Variants in SPICE1 observed in about 807,000 individuals in gnomAD.
SPICE1 encodes the protein spindle and centriole-associated protein 1.
Under a neutral mutation model 102.7 loss-of-function variants are expected in SPICE1, and 75 were observed. The ratio of observed to expected loss-of-function variants is 0.73; its 90% CI spans 0.61 to 0.88. The LOEUF (loss-of-function observed/expected upper bound fraction) is 0.88, where lower values mean the gene tolerates loss of function less well. SPICE1 is among the 40% of genes least tolerant of loss of function. The probability of loss-of-function intolerance (pLI) is 0.00; values close to 1 mark genes in which losing one functional copy is unlikely to be tolerated. For missense variants in SPICE1, 979 were observed against 1,020.1 expected (o/e 0.96, Z 0.55); for synonymous variants, 308 against 350.3 (o/e 0.88, Z 1.35).
intron 12 of SPICE1, among the ~76,000 whole-genome samples, chr3:113,457,676 T>TC: frequency 6.6e-6 from 1 of 152,300 alleles, no homozygotes; most frequent in South Asian, 2.1e-4. Context: ...TTCCTTTTTT[T>TC]CACACAGAGT....
At chr3:113,450,767 G>A (rs994224172) in intron 14 of SPICE1, among the ~76,000 whole-genome samples, 3 of 151,836 alleles carry the variant, frequency 2.0e-5, no homozygotes, top group Non-Finnish European at 4.4e-5. Context: ...TAGCAGAGAC[G>A]GGGTTTCACC....
At position 113,457,317 on chromosome 3, in the gene SPICE1, C is replaced by T. The variant is rs961428855; in HGVS notation, c.1476G>A (p.Met492Ile). The T allele has an allele frequency of 1.9e-6, 3 of 1,614,208 alleles. No homozygotes were observed. Among genetic ancestry groups the T allele is most frequent in the East Asian group, 2.2e-5 (1 of 44,886 alleles). The change falls in exon 13 of 18, where the codon ATG (methionine) becomes ATA (isoleucine). Residue 492 changes from methionine to isoleucine, a missense_variant. Met to Ile is a conservative substitution (Grantham distance 10). Transcript: ENST00000295872. ...VVNANVSVPL[M>I]FREEVAEFPQ... ...GGAATTCAGCCACTTCCTCTCTGAA[C>T]ATCAATGGCACTGAGACATTGGCAT...
rs142829330 is a variant in SPICE1, at chr3:113,484,213, G to A, written c.611+4732C>T. Among the ~76,000 whole-genome samples the A allele has an allele frequency of 4.2e-3, 646 of 152,192 alleles. 3 individuals are homozygous for A. The highest frequency in any genetic ancestry group is 0.014 in the Middle Eastern group (4 of 294). On this transcript the variant is annotated intron_variant, in intron 7 of 17. Transcript: ENST00000295872. ...TTCTGATGGTAGTTTGTATTTCTGT[G>A]GGATCAGTGGTGATATCCCCTTTAT...
chr3:113,475,729 C>T (rs1353437600), intron 7 of SPICE1, among the ~76,000 whole-genome samples: 3 of 152,170 alleles, frequency 2.0e-5, no homozygotes, highest in African/African-American at 7.2e-5. Context: ...TGACAAAATT[C>T]AACAATGCTT....
intron 1 of SPICE1, among the ~76,000 whole-genome samples, chr3:113,511,383 G>A (rs1937218550): frequency 6.6e-6 from 1 of 152,144 alleles, no homozygotes; most frequent in African/African-American, 2.4e-5. Context: ...TTGATAGACT[G>A]AATAAAGAAA....
chr3:113,470,988 C>T (rs1217876227), intron 7 of SPICE1, among the ~76,000 whole-genome samples: 2 of 152,208 alleles, frequency 1.3e-5, no homozygotes, highest in Non-Finnish European at 2.9e-5. Context: ...AGGATGGATT[C>T]TATCCAGTCC....
At chr3:113,491,172 T>C (rs962178709) in intron 6 of SPICE1, among the ~76,000 whole-genome samples, 5 of 152,214 alleles carry the variant, frequency 3.3e-5, no homozygotes, top group African/African-American at 1.2e-4. Flanking sequence ...GCCTTAATCA[T>C]CTATGTATCT....
rs191996597 is a variant in SPICE1 at position 113,509,543 on chromosome 3, T to C, written c.1-2938A>G. On this transcript the variant is annotated intron_variant, in intron 1 of 17. Coordinates refer to ENST00000295872, the MANE Select transcript of SPICE1 (RefSeq NM_144718.4). ...TTATCTCTGCTAAGAGCTTCACATT[T>C]GATCCCACAACCCTGTGAAGCCTGT... 5.4e-4 allele frequency among the ~76,000 whole-genome samples: 83 copies of C among 152,342 alleles called. No homozygotes were observed. The East Asian group carries it at 0.015, about 28-fold the overall frequency.
At position 113,448,029 on chromosome 3, in the gene SPICE1, G is replaced by T. The variant is rs763875593; in HGVS notation, c.2426+9C>A. 52 of 1,581,844 alleles carry T rather than the reference G, an allele frequency of 3.3e-5. No homozygotes were observed. The highest frequency in any genetic ancestry group is 4.3e-5 in the Non-Finnish European group (50 of 1,167,568). On this transcript the variant is annotated intron_variant, in intron 16 of 17. Coordinates refer to ENST00000295872, the MANE Select transcript of SPICE1 (RefSeq NM_144718.4). Reference sequence around the variant, plus strand: ...TTTTTTTTAAATAAATATTCACACTGCAACTTACCTTCTTGTATTTATCCC... The same window carrying T: ...TTTTTTTTAAATAAATATTCACACTTCAACTTACCTTCTTGTATTTATCCC...
chr3:113,484,734 T>G (rs1052692957), intron 7 of SPICE1, among the ~76,000 whole-genome samples: 8 of 151,752 alleles, frequency 5.3e-5, no homozygotes, highest in African/African-American at 1.9e-4. Context: ...TGCACTGTGG[T>G]CGGAGAGACT....
At chr3:113,451,121 T>C (rs1935642172) in intron 14 of SPICE1, among the ~76,000 whole-genome samples, 1 of 152,184 alleles carries the variant, frequency 6.6e-6, no homozygotes, top group South Asian at 2.1e-4. Flanking sequence ...CAGAAGTTTC[T>C]ATAATTACAG....
intron 1 of SPICE1, among the ~76,000 whole-genome samples, chr3:113,510,775 A>G (rs1937205170): frequency 6.6e-6 from 1 of 152,224 alleles, no homozygotes; most frequent in Non-Finnish European, 1.5e-5. Flanking sequence ...ATGGAATCCA[A>G]TTAAACTAAA....
At chr3:113,498,355 T>C (rs771601625) in intron 4 of SPICE1, among the ~76,000 whole-genome samples, 2 of 152,172 alleles carry the variant, frequency 1.3e-5, no homozygotes, top group Non-Finnish European at 2.9e-5. Flanking sequence ...CTATAACTTG[T>C]ATGAGAAATT....
chr3:113,452,422 G>A (rs964410838), intron 14 of SPICE1, among the ~76,000 whole-genome samples: 4 of 152,204 alleles, frequency 2.6e-5, no homozygotes, highest in African/African-American at 9.6e-5. Flanking sequence ...AGTGGCTCAT[G>A]CCTGTAATTC....
At chr3:113,474,176 A>T (rs1258573894) in intron 7 of SPICE1, among the ~76,000 whole-genome samples, 3 of 151,818 alleles carry the variant, frequency 2.0e-5, no homozygotes, top group Non-Finnish European at 4.4e-5. Flanking sequence ...AACAAAGATC[A>T]AAAGAGACAA....
chr3:113,457,375 A>G lies in SPICE1; in HGVS notation c.1436-18T>C. The G allele has an allele frequency of 6.2e-7, 1 of 1,611,956 alleles. No homozygotes were observed. Among genetic ancestry groups the G allele is most frequent in the Non-Finnish European group, 8.5e-7 (1 of 1,178,448 alleles). ...TGGACGCTCTGAAGAAGATGAGAGG[A>G]TATTAGTACAATAGGAACAAAAAGA... On this transcript the variant is annotated intron_variant, in intron 12 of 17. Transcript: ENST00000295872.
At chr3:113,448,000 A>AT (rs758964314) in intron 16 of SPICE1, 38 bp downstream of exon 16, 7,125 of 1,283,614 alleles carry the variant, frequency 5.6e-3, no homozygotes, top group Middle Eastern at 9.5e-3. Flanking sequence ...ATTCTTTTTG[A>AT]TTTTTTTTTT....
chr3:113,514,884 C>G lies in SPICE1; in HGVS notation c.-1+13G>C. The G allele has an allele frequency of 8.3e-7, 1 of 1,203,082 alleles. No homozygotes were observed. Among genetic ancestry groups the G allele is most frequent in the Non-Finnish European group, 1.1e-6 (1 of 947,748 alleles). The allele number at this position is 1,203,082 out of a possible 1,614,324, so 74.5% of individuals were successfully genotyped here. On this transcript the variant is annotated intron_variant, in intron 1 of 17. Transcript: ENST00000295872. ...ACGCACAAACATACCCAGACACGCA[C>G]CCTGACACGTACTTGCACTCTCAAA...
At chr3:113,460,167 A>T in intron 12 of SPICE1, 1 of 985,446 alleles carries the variant, frequency 1.0e-6, no homozygotes, top group African/African-American at 1.7e-5. Flanking sequence ...TCACACATGA[A>T]CAAAAGTTAT....
Sources: allele counts gnomAD v4.1 joint callset (sites outside exome capture counted in the v4.1 genomes callset), GRCh38; gene constraint gnomAD v4.1.1; transcripts MANE v1.5; gene names NCBI Gene and HGNC (gene_info 2026-07-23, HGNC 2026-07-21).